CECR2: variants seen among roughly 807,000 people sequenced by gnomAD.
CECR2 encodes the protein chromatin remodeling regulator CECR2.
Under a neutral mutation model 154.5 loss-of-function variants are expected in CECR2, and 30 were observed. The observed-to-expected ratio is 0.19, with a 90% CI of 0.15 to 0.26. The LOEUF (loss-of-function observed/expected upper bound fraction) is 0.26. Among genes scored for constraint, CECR2 ranks in the 10% least tolerant of loss-of-function variants. The probability of loss-of-function intolerance (pLI) is 1.00; values close to 1 mark genes in which losing one functional copy is unlikely to be tolerated. For missense variants in CECR2, 1,743 were observed against 1,829.3 expected (o/e 0.95, Z 0.86); for synonymous variants, 725 against 683.7 (o/e 1.06, Z -0.94).
chr22:17,462,224 G>GA (rs2054951401), intron 1 of CECR2, among the ~76,000 whole-genome samples: 1 of 151,782 alleles, frequency 6.6e-6, no homozygotes, highest in South Asian at 2.1e-4. Context: ...CTAATACGGT[G>GA]AAACCCTGTC....
intron 1 of CECR2, among the ~76,000 whole-genome samples, chr22:17,438,275 A>G (rs1006451512): frequency 3.9e-5 from 6 of 152,240 alleles, no homozygotes; most frequent in African/African-American, 1.4e-4. Context: ...ATTGTAGACA[A>G]GCTGAGCCCA....
chr22:17,402,862 G>A (rs1157996656), intron 1 of CECR2, among the ~76,000 whole-genome samples: 1 of 149,734 alleles, frequency 6.7e-6, no homozygotes, highest in African/African-American at 2.5e-5. Context: ...GGTTCAAGCA[G>A]TTCTCCTGCC....
chr22:17,454,548 T>C (rs1480090446), intron 1 of CECR2, among the ~76,000 whole-genome samples: 2 of 147,350 alleles, frequency 1.4e-5, no homozygotes, highest in Non-Finnish European at 3.0e-5. Context: ...GAGCTTGCAG[T>C]GAGCTGAGAT....
chr22:17,393,888 AT>A lies in CECR2; in HGVS notation c.126+23995del, dbSNP rs71200270. On this transcript the variant is annotated intron_variant, in intron 1 of 18. Coordinates refer to ENST00000262608, the MANE Select transcript of CECR2 (RefSeq NM_001290047.2). The stretch of plus-strand genomic sequence containing the variant: ...GAGGTGTAAGAGTTCTTTTTTATTC[AT>A]TTTTTTTTTTTTTTTGAGACGGAGT... Among the ~76,000 whole-genome samples, 1,190 of 133,962 alleles carry A rather than the reference AT, an allele frequency of 8.9e-3. 9 individuals are homozygous for A. Among genetic ancestry groups the A allele is most frequent in the African/African-American group, 0.024 (878 of 35,892 alleles). 87.9% of individuals were successfully genotyped at this position (133,962 alleles called of 152,430 possible).
chr22:17,504,617 A>G (rs1441845267), intron 6 of CECR2, among the ~76,000 whole-genome samples: 1 of 135,800 alleles, frequency 7.4e-6, no homozygotes, highest in Non-Finnish European at 1.6e-5. Flanking sequence ...TTTTTTTTCT[A>G]TTTTTAGTAG....
At chr22:17,397,021 A>T (rs556082395) in intron 1 of CECR2, among the ~76,000 whole-genome samples, 4 of 152,178 alleles carry the variant, frequency 2.6e-5, no homozygotes, top group Non-Finnish European at 5.9e-5. Flanking sequence ...AATCTGTGGC[A>T]GTTAGTGGGT....
rs891445374 is a variant in CECR2 at position 17,554,074 on chromosome 22, G to A, written c.*1234G>A. 1 of 152,072 alleles carries A rather than the reference G, an allele frequency of 6.6e-6. No homozygotes were observed. The highest frequency in any genetic ancestry group is 1.5e-5 in the Non-Finnish European group (1 of 67,996). The allele number at this position is 152,072 out of a possible 1,614,324, so 9.4% of individuals were successfully genotyped here. A position where few individuals can be genotyped will look rare whatever the true frequency, so the allele number is the denominator to read the frequency against. ...AAATAGCTATCAAGAACAAGTTCTT[G>A]GAATTATCTGTTGTATCTGTGATAG... On this transcript the variant is annotated 3_prime_UTR_variant, in exon 19 of 19. Transcript: ENST00000262608.
intron 1 of CECR2, among the ~76,000 whole-genome samples, chr22:17,435,987 C>G (rs1175507668): frequency 6.6e-6 from 1 of 152,136 alleles, no homozygotes; most frequent in Non-Finnish European, 1.5e-5. Flanking sequence ...CTCTGTCTGT[C>G]TCGCTCTGTC....
At chr22:17,422,877 T>C (rs2518732) in intron 1 of CECR2, among the ~76,000 whole-genome samples, 85,961 of 151,794 alleles carry the variant, frequency 0.57, 25,985 homozygotes, top group African/African-American at 0.79. Flanking sequence ...TTAGAATTCC[T>C]ATCTCCCTGC....
chr22:17,393,489 G>C (rs1440012360), intron 1 of CECR2, among the ~76,000 whole-genome samples: 1 of 152,122 alleles, frequency 6.6e-6, no homozygotes, highest in African/African-American at 2.4e-5. Flanking sequence ...TTGTGTGCAG[G>C]TTTTTGTGAG....
chr22:17,524,677 C>G (rs2056226426), intron 9 of CECR2, among the ~76,000 whole-genome samples: 1 of 132,728 alleles, frequency 7.5e-6, no homozygotes, highest in Non-Finnish European at 1.6e-5. Context: ...CAGGCATGAG[C>G]CACCATGCCT....
At chr22:17,448,666 G>T (rs1043359334) in intron 1 of CECR2, among the ~76,000 whole-genome samples, 1 of 152,076 alleles carries the variant, frequency 6.6e-6, no homozygotes, top group Non-Finnish European at 1.5e-5. Context: ...GGCCCCATCC[G>T]TTGCTGTTTT....
chr22:17,503,393 G>A (rs2055776108), intron 6 of CECR2, among the ~76,000 whole-genome samples: 1 of 152,134 alleles, frequency 6.6e-6, no homozygotes, highest in African/African-American at 2.4e-5. Context: ...CTTAACGTTG[G>A]AGTGAATAAC....
At chr22:17,483,427 C>T (rs2522299) in intron 2 of CECR2, among the ~76,000 whole-genome samples, 34,976 of 151,688 alleles carry the variant, frequency 0.23, 4,685 homozygotes, top group Non-Finnish European at 0.31. Flanking sequence ...ATTAGCTGGG[C>T]AATATAGCAA....
intron 1 of CECR2, among the ~76,000 whole-genome samples, chr22:17,449,659 T>G (rs1050409655): frequency 3.3e-5 from 5 of 151,582 alleles, no homozygotes; most frequent in Admixed American, 6.6e-5. Context: ...CCGGCTAATT[T>G]TTTGTATTTT....
chr22:17,379,582 G>GTGTGTGTGTA (rs1569042598), intron 1 of CECR2, among the ~76,000 whole-genome samples: 1 of 19,872 alleles, frequency 5.0e-5, no homozygotes, highest in Non-Finnish European at 8.8e-5. Flanking sequence ...TACGTTGAAG[G>GTGTGTGTGTA]TGTGTGTGTG....
At chr22:17,450,397 A>C (rs1461290045) in intron 1 of CECR2, among the ~76,000 whole-genome samples, 1 of 152,104 alleles carries the variant, frequency 6.6e-6, no homozygotes, top group Non-Finnish European at 1.5e-5. Context: ...CAGCCTCCTG[A>C]GTAGCTGGGG....
intron 16 of CECR2, 66 bp from the exon 17 acceptor site, chr22:17,548,082 T>C: frequency 1.5e-6 from 2 of 1,372,870 alleles, no homozygotes; most frequent in Non-Finnish European, 1.9e-6. Context: ...AGGCATGTTC[T>C]TCACATTAAT....
Position 17,477,606 on chromosome 22 carries a change from C to A in CECR2, c.145C>A (p.His49Asn), listed in dbSNP as rs778366296. 5 of 1,612,936 alleles carry A rather than the reference C, an allele frequency of 3.1e-6. No individual in the cohort carries two copies. Among genetic ancestry groups the A allele is most frequent in the African/African-American group, 1.3e-5 (1 of 74,918 alleles). Residue 49 changes from histidine (H) to asparagine (N), a missense_variant, in exon 2 of 19, where the codon CAC becomes AAC. By Grantham distance (68) the His-to-Asn change is moderately conservative. This residue lies in a region of CECR2 where 98 missense variants were observed against 169.3 expected (regional missense o/e 0.58). Coordinates refer to ENST00000262608, the MANE Select transcript of CECR2 (RefSeq NM_001290047.2). ...FEIEELEAAL[H>N]RDDVEFISDL... is the part of the protein sequence containing the mutation. ...CCCTCAGGAGTTAGAAGCCGCTCTT[C>A]ACAGAGATGACGTGGAGTTTATCAG...
Sources: gnomAD v4.1 joint callset for allele counts (sites outside exome capture counted in the v4.1 genomes callset) on GRCh38, gnomAD v4.1.1 for gene constraint, gnomAD v4.1.1 regional missense constraint, MANE v1.5 for transcripts, NCBI Gene and HGNC (gene_info 2026-07-23, HGNC 2026-07-21) for gene names.